Variants in ERC2 observed in about 807,000 individuals in gnomAD.
ERC2 encodes the protein ERC protein 2.
ERC2 carries 42 observed loss-of-function variants against 114.8 expected under a neutral mutation model. The ratio of observed to expected loss-of-function variants is 0.37; its 90% CI spans 0.29 to 0.47. The LOEUF (loss-of-function observed/expected upper bound fraction) is 0.47, where lower values mean the gene tolerates loss of function less well. Among genes scored for constraint, ERC2 ranks in the 20% least tolerant of loss-of-function variants. ERC2 has a pLI of 0.99. For synonymous variants in ERC2, 454 were observed against 425.5 expected, an observed-to-expected ratio of 1.07 and a Z score of -0.82; for missense variants, 939 against 1,150.7, an observed-to-expected ratio of 0.82 and a Z score of 2.66.
At chr3:56,247,329 G>T (rs2150222136) in intron 3 of ERC2, among the ~76,000 whole-genome samples, 1 of 151,360 alleles carries the variant, frequency 6.6e-6, no homozygotes, top group Non-Finnish European at 1.5e-5. Context: ...CTAATAATAT[G>T]TTATGAATAT....
Position 55,776,691 on chromosome 3 carries a change from G to T in ERC2, c.2565-41773C>A, listed in dbSNP as rs143549010. On this transcript the variant is annotated intron_variant, in intron 14 of 17. Transcript: ENST00000288221. The stretch of plus-strand genomic sequence containing the variant: ...AGAACATCCTGGAGATTGGGAGCTG[G>T]AGCTGGTGGCCTCAGGCCTTTGACC... Among the ~76,000 whole-genome samples, 222 of 152,264 alleles carry T rather than the reference G, an allele frequency of 1.5e-3. 1 individual carries two copies. In the Middle Eastern group the frequency reaches 0.021, roughly 14 times the overall value.
intron 4 of ERC2, among the ~76,000 whole-genome samples, chr3:56,164,382 A>G (rs951645702): frequency 2.6e-5 from 4 of 152,074 alleles, no homozygotes; most frequent in Admixed American, 6.6e-5. Context: ...TCCATTTAGC[A>G]TAATGTTTTC....
chr3:55,813,942 G>A (rs2059812414), intron 14 of ERC2, among the ~76,000 whole-genome samples: 1 of 152,140 alleles, frequency 6.6e-6, no homozygotes, highest in South Asian at 2.1e-4. Context: ...CTTGGCTACT[G>A]GGAATGCTAC....
At chr3:56,442,629 C>T (rs2062371373) in intron 1 of ERC2, among the ~76,000 whole-genome samples, 1 of 152,168 alleles carries the variant, frequency 6.6e-6, no homozygotes, top group African/African-American at 2.4e-5. Flanking sequence ...CTGGGGTTTT[C>T]GTTTTAACCC....
intron 17 of ERC2, among the ~76,000 whole-genome samples, chr3:55,563,711 C>T (rs755726058): frequency 1.3e-5 from 2 of 152,180 alleles, no homozygotes; most frequent in Non-Finnish European, 2.9e-5. Flanking sequence ...ATGAGTCCAA[C>T]ATGCAGAGAG....
chr3:56,197,053 T>A (rs150071452), intron 3 of ERC2, among the ~76,000 whole-genome samples: 31 of 152,150 alleles, frequency 2.0e-4, no homozygotes, highest in African/African-American at 7.2e-4. Flanking sequence ...ACTCCAGCCA[T>A]GTCAGGTGTG....
chr3:55,846,568 G>T (rs985454679), intron 14 of ERC2, among the ~76,000 whole-genome samples: 6 of 152,090 alleles, frequency 3.9e-5, no homozygotes, highest in African/African-American at 1.4e-4. Context: ...TTGAGGAGTT[G>T]CCATACTGCT....
chr3:55,980,239 A>G (rs1177919840), intron 12 of ERC2, among the ~76,000 whole-genome samples: 3 of 152,116 alleles, frequency 2.0e-5, no homozygotes, highest in African/African-American at 4.8e-5. Context: ...CTAGAGTAAA[A>G]TGAGAGAGCA....
At chr3:56,358,653 C>A (rs574331623) in intron 2 of ERC2, among the ~76,000 whole-genome samples, 1 of 152,298 alleles carries the variant, frequency 6.6e-6, no homozygotes, top group East Asian at 1.9e-4. Flanking sequence ...GGCCAGGGGG[C>A]CTAAAGCCAG....
chr3:56,434,226 A>G (rs2061919294), intron 2 of ERC2, 125 bp downstream of exon 2: 1 of 769,906 alleles, frequency 1.3e-6, no homozygotes, highest in Non-Finnish European at 2.1e-6. Context: ...TCAAACACAT[A>G]CTAAGCCATA....
intron 2 of ERC2, among the ~76,000 whole-genome samples, chr3:56,356,206 A>C (rs545470538): frequency 6.6e-6 from 1 of 152,234 alleles, no homozygotes; most frequent in Admixed American, 6.5e-5. Context: ...AGTCACATTT[A>C]GAATCCACCA....
chr3:56,258,608 C>A (rs1442586596), intron 3 of ERC2, among the ~76,000 whole-genome samples: 1 of 152,140 alleles, frequency 6.6e-6, no homozygotes, highest in African/African-American at 2.4e-5. Flanking sequence ...GAGCCAAGAT[C>A]GCGCCACTGC....
intron 17 of ERC2, among the ~76,000 whole-genome samples, chr3:55,668,577 C>T (rs1308924028): frequency 2.0e-5 from 3 of 152,172 alleles, no homozygotes; most frequent in African/African-American, 4.8e-5. Context: ...ACACCTCATT[C>T]CAATGTGGTA....
In ERC2 at chr3:56,366,202, G is replaced by T. The variant is rs150347669; in HGVS notation, c.657+68149C>A. Among the ~76,000 whole-genome samples the T allele has an allele frequency of 1.7e-3, 259 of 152,332 alleles. 1 individual carries two copies. Among genetic ancestry groups the T allele is most frequent in the African/African-American group, 5.9e-3 (245 of 41,574 alleles). The stretch of plus-strand genomic sequence containing the variant: ...CTCATGCCAGCAACCTCTGATCACA[G>T]CACATGTATCCGAAACCTTCTCTTT... On this transcript the variant is annotated intron_variant, in intron 2 of 17. Transcript: ENST00000288221.
At chr3:56,286,913 T>C (rs1179331679) in intron 3 of ERC2, among the ~76,000 whole-genome samples, 2 of 152,244 alleles carry the variant, frequency 1.3e-5, no homozygotes, top group Non-Finnish European at 2.9e-5. Flanking sequence ...AAACAACTTA[T>C]ACAGAATTAT....
At chr3:55,556,730 CCACAT>C (rs1483609640) in intron 17 of ERC2, among the ~76,000 whole-genome samples, 8 of 152,206 alleles carry the variant, frequency 5.3e-5, no homozygotes, top group Admixed American at 4.6e-4. Context: ...TAGCTCCTGA[CCACAT>C]CATCTGAGCC....
At position 56,293,467 on chromosome 3, in the gene ERC2, G is replaced by T. The variant is rs189714111; in HGVS notation, c.1074+2552C>A. Among the ~76,000 whole-genome samples the T allele has an allele frequency of 3.9e-4, 60 of 152,298 alleles. No individual in the cohort carries two copies. In the East Asian group the frequency reaches 0.011, roughly 29 times the overall value. On this transcript the variant is annotated intron_variant, in intron 3 of 17. Coordinates refer to ENST00000288221, the MANE Select transcript of ERC2 (RefSeq NM_015576.3). ...CCAAATATGACCAATTCCAGGCTAC[G>T]TGTGGTTTAACACCAGGATCATGAG...
chr3:56,276,471 A>C (rs999033859), intron 3 of ERC2, among the ~76,000 whole-genome samples: 1 of 151,414 alleles, frequency 6.6e-6, no homozygotes, highest in Non-Finnish European at 1.5e-5. Flanking sequence ...AAAAAAAAAA[A>C]AAAAAACAAA....
In ERC2 at chr3:55,673,312, C is replaced by T. The variant is rs546070180; in HGVS notation, c.*39+10482G>A. The stretch of plus-strand genomic sequence containing the variant: ...GACAAAGGGGAGCAGAGGCCGGGCA[C>T]GGTGGCTTACGCCTGTAATCCCAGC... On this transcript the variant is annotated intron_variant, in intron 17 of 17. Transcript: ENST00000288221. Among the ~76,000 whole-genome samples the T allele has an allele frequency of 9.0e-4, 137 of 152,310 alleles. 3 individuals are homozygous for T. Among genetic ancestry groups the T allele is most frequent in the South Asian group, 6.2e-4 (3 of 4,826 alleles).
Sources: gnomAD v4.1 joint callset for allele counts (sites outside exome capture counted in the v4.1 genomes callset) on GRCh38, gnomAD v4.1.1 for gene constraint, MANE v1.5 for transcripts, NCBI Gene and HGNC (gene_info 2026-07-23, HGNC 2026-07-21) for gene names.